WWOX: variants seen among roughly 807,000 people sequenced by gnomAD.
WWOX encodes the protein WW domain-containing oxidoreductase.
A neutral mutation model predicts 46.2 loss-of-function variants in WWOX; 69 were observed. The observed-to-expected ratio is 1.49, with a 90% CI of 1.23 to 1.82. The LOEUF is 1.82. WWOX is among the 40% of genes most tolerant of loss of function. The probability of loss-of-function intolerance (pLI) is 0.00; values close to 1 mark genes in which losing one functional copy is unlikely to be tolerated. For missense variants in WWOX, 919 were observed against 542.6 expected (o/e 1.69, Z -6.89); for synonymous variants, 359 against 202.6 (o/e 1.77, Z -6.56).
intron 5 of WWOX, among the ~76,000 whole-genome samples, chr16:78,232,140 T>A (rs903835607): frequency 3.9e-5 from 6 of 152,276 alleles, no homozygotes; most frequent in African/African-American, 1.4e-4. Context: ...AAAAAATGAA[T>A]GTGGTATTTC....
chr16:78,347,520 T>A (rs2081114921), intron 5 of WWOX, among the ~76,000 whole-genome samples: 1 of 118,292 alleles, frequency 8.5e-6, no homozygotes, highest in East Asian at 1.9e-4. Flanking sequence ...CCACACCTCT[T>A]GCATGTTCCT....
At chr16:78,735,553 C>G (rs1247851609) in intron 8 of WWOX, among the ~76,000 whole-genome samples, 3 of 152,292 alleles carry the variant, frequency 2.0e-5, no homozygotes, top group Non-Finnish European at 4.4e-5. Context: ...CTCAGCCATA[C>G]AGATGCTCAG....
At chr16:78,805,656 A>C (rs746175206) in intron 8 of WWOX, among the ~76,000 whole-genome samples, 12 of 152,188 alleles carry the variant, frequency 7.9e-5, no homozygotes, top group Admixed American at 1.3e-4. Context: ...TAGATTAATC[A>C]CTGTTAAGAC....
chr16:78,564,802 C>T (rs2044525643), intron 8 of WWOX, among the ~76,000 whole-genome samples: 1 of 152,060 alleles, frequency 6.6e-6, no homozygotes, highest in African/African-American at 2.4e-5. Flanking sequence ...AATTTTTTCC[C>T]CTCAAGATCT....
At chr16:78,811,415 T>G (rs1344538546) in intron 8 of WWOX, among the ~76,000 whole-genome samples, 1 of 152,174 alleles carries the variant, frequency 6.6e-6, no homozygotes, top group Non-Finnish European at 1.5e-5. Context: ...CTATTAACTT[T>G]CTTCATCTCC....
At chr16:78,478,524 G>C (rs1414269636) in intron 8 of WWOX, among the ~76,000 whole-genome samples, 1 of 152,058 alleles carries the variant, frequency 6.6e-6, no homozygotes, top group African/African-American at 2.4e-5. Flanking sequence ...AAGAACAAAT[G>C]GCTTGGCAGC....
intron 8 of WWOX, among the ~76,000 whole-genome samples, chr16:79,042,978 C>A (rs550796384): frequency 6.6e-6 from 1 of 152,212 alleles, no homozygotes; most frequent in East Asian, 1.9e-4. Flanking sequence ...TGACTGTCTG[C>A]TAAGATTCAC....
chr16:78,813,952 T>A (rs1018242591), intron 8 of WWOX, among the ~76,000 whole-genome samples: 1 of 152,196 alleles, frequency 6.6e-6, no homozygotes, highest in African/African-American at 2.4e-5. Flanking sequence ...GAAGCTTGTC[T>A]CCCCACCCCC....
chr16:78,331,477 G>T (rs998470389), intron 5 of WWOX, among the ~76,000 whole-genome samples: 4 of 152,178 alleles, frequency 2.6e-5, no homozygotes, highest in African/African-American at 9.7e-5. Flanking sequence ...ATTCTTTGGA[G>T]ACCGTCTTCG....
chr16:78,859,249 G>C (rs2151189704), intron 8 of WWOX, among the ~76,000 whole-genome samples: 1 of 151,228 alleles, frequency 6.6e-6, no homozygotes, highest in African/African-American at 2.4e-5. Flanking sequence ...ATAAAGCTTG[G>C]GCTGAGCTGC....
intron 8 of WWOX, among the ~76,000 whole-genome samples, chr16:78,529,114 C>T (rs939023409): frequency 7.3e-5 from 11 of 151,404 alleles, no homozygotes; most frequent in African/African-American, 2.7e-4. Context: ...CTACCATGCC[C>T]AGCTAAGTTT....
chr16:78,323,873 C>T (rs563007638), intron 5 of WWOX, among the ~76,000 whole-genome samples: 1 of 152,306 alleles, frequency 6.6e-6, no homozygotes, highest in African/African-American at 2.4e-5. Flanking sequence ...CTTAAGGACT[C>T]AGAGGCCTGC....
chr16:78,851,814 C>T (rs1256047372), intron 8 of WWOX, among the ~76,000 whole-genome samples: 1 of 152,230 alleles, frequency 6.6e-6, no homozygotes, highest in Non-Finnish European at 1.5e-5. Context: ...TAGGATTTCA[C>T]TTGCTAATGC....
rs1457708794 is a variant in WWOX, at chr16:79,212,283, G to A, written c.*487G>A. ...TGTTTCATTCATCCTGACCAAGACT[G>A]AGCCAGCTTAGCAACTGCTGGGGAG... On this transcript the variant is annotated 3_prime_UTR_variant, in exon 9 of 9. Coordinates refer to ENST00000566780, the MANE Select transcript of WWOX (RefSeq NM_016373.4). 2.6e-6 allele frequency: 3 copies of A among 1,165,740 alleles called. No homozygotes were observed. Among genetic ancestry groups the A allele is most frequent in the East Asian group, 2.6e-5 (1 of 38,700 alleles). The allele number at this position is 1,165,740 out of a possible 1,614,324, so 72.2% of individuals were successfully genotyped here. A position where few individuals can be genotyped will look rare whatever the true frequency, so the allele number is the denominator to read the frequency against.
intron 8 of WWOX, among the ~76,000 whole-genome samples, chr16:78,812,191 C>T (rs1167597365): frequency 6.6e-6 from 1 of 151,952 alleles, no homozygotes; most frequent in Non-Finnish European, 1.5e-5. Context: ...GGCACTGTAT[C>T]TGCCAATTTT....
At chr16:78,304,441 A>G (rs2151869261) in intron 5 of WWOX, among the ~76,000 whole-genome samples, 1 of 152,342 alleles carries the variant, frequency 6.6e-6, no homozygotes, top group East Asian at 1.9e-4. Flanking sequence ...TTTCAGATGA[A>G]TGAGAATCCT....
At chr16:78,710,407 A>G (rs1384052117) in intron 8 of WWOX, among the ~76,000 whole-genome samples, 1 of 146,032 alleles carries the variant, frequency 6.8e-6, no homozygotes, top group African/African-American at 2.5e-5. Flanking sequence ...GCTATGCAGC[A>G]TTGGCCACAC....
intron 8 of WWOX, among the ~76,000 whole-genome samples, chr16:78,611,103 A>G (rs62037151): frequency 0.1 from 15,579 of 152,232 alleles, 1,056 homozygotes; most frequent in South Asian, 0.14. Context: ...TGTGGTCACC[A>G]AAGCATAATG....
chr16:78,504,597 G>A (rs1462976788), intron 8 of WWOX, among the ~76,000 whole-genome samples: 2 of 152,132 alleles, frequency 1.3e-5, no homozygotes, highest in Non-Finnish European at 2.9e-5. Context: ...CAGTGTCTTC[G>A]TAATACTATC....
Sources: gnomAD v4.1 joint callset for allele counts (sites outside exome capture counted in the v4.1 genomes callset) on GRCh38, gnomAD v4.1.1 for gene constraint, MANE v1.5 for transcripts, NCBI Gene and HGNC (gene_info 2026-07-23, HGNC 2026-07-21) for gene names.